The following VTI1A variants were observed in gnomAD, a reference collection of about 807,000 sequenced individuals.
The protein encoded by VTI1A is vesicle transport through interaction with t-SNAREs 1A.
Under a neutral mutation model 34.9 loss-of-function variants are expected in VTI1A, and 22 were observed. The ratio of observed to expected loss-of-function variants is 0.63; its 90% CI spans 0.45 to 0.90. VTI1A has a LOEUF of 0.90. Among genes scored for constraint, VTI1A ranks in the 40% least tolerant of loss-of-function variants. VTI1A has a pLI of 0.00. For missense variants in VTI1A, 268 were observed against 275.6 expected, an observed-to-expected ratio of 0.97 and a Z score of 0.20; for synonymous variants, 87 against 97.3, an observed-to-expected ratio of 0.89 and a Z score of 0.62.
intron 7 of VTI1A, among the ~76,000 whole-genome samples, chr10:112,720,635 G>A (rs1028194047): frequency 7.5e-5 from 8 of 106,686 alleles, no homozygotes; most frequent in African/African-American, 1.8e-4. Context: ...AAATGTATAC[G>A]TTGAAGATGT....
intron 5 of VTI1A, among the ~76,000 whole-genome samples, chr10:112,633,147 T>C (rs543359116): frequency 1.3e-5 from 2 of 152,182 alleles, no homozygotes; most frequent in East Asian, 3.9e-4. Flanking sequence ...TGGTGAGTCC[T>C]GAGAGGAGAG....
intron 7 of VTI1A, among the ~76,000 whole-genome samples, chr10:112,705,902 G>A (rs1849178921): frequency 6.6e-6 from 1 of 151,684 alleles, no homozygotes; most frequent in Non-Finnish European, 1.5e-5. Flanking sequence ...CTGGTCCTCT[G>A]TTGGGCATGT....
At chr10:112,797,888 T>C (rs4554813) in intron 7 of VTI1A, among the ~76,000 whole-genome samples, 112,596 of 152,180 alleles carry the variant, frequency 0.74, 42,946 homozygotes, top group Non-Finnish European at 0.84. Flanking sequence ...GCCCACAGAT[T>C]TCTCTCTGAG....
chr10:112,851,214 AT>A, the VTI1A span, among the ~76,000 whole-genome samples: 1 of 152,216 alleles, frequency 6.6e-6, no homozygotes, highest in Non-Finnish European at 1.5e-5. Flanking sequence ...TGACTGAATC[AT>A]TTCAAGGTGC....
intron 7 of VTI1A, among the ~76,000 whole-genome samples, chr10:112,792,409 C>T (rs1362712388): frequency 2.0e-5 from 3 of 152,158 alleles, no homozygotes; most frequent in Admixed American, 6.5e-5. Flanking sequence ...AGTGCTCTGC[C>T]TGAGGTCACA....
intron 7 of VTI1A, among the ~76,000 whole-genome samples, chr10:112,795,728 G>A (rs913151483): frequency 1.3e-5 from 2 of 151,954 alleles, no homozygotes; most frequent in Non-Finnish European, 2.9e-5. Flanking sequence ...GAGCCACTGC[G>A]CCCAGCCCCC....
At chr10:112,774,827 G>A (rs931344704) in intron 7 of VTI1A, among the ~76,000 whole-genome samples, 3 of 152,114 alleles carry the variant, frequency 2.0e-5, no homozygotes, top group African/African-American at 7.2e-5. Flanking sequence ...GTGTGTGCAC[G>A]GAGAAGCCCC....
At position 112,744,219 on chromosome 10, in the gene VTI1A, A is replaced by G. The variant is rs548647226; in HGVS notation, c.561-71071A>G. ...TCAAGCTCACATCTCCTCTTGTATA[A>G]GCTATTAGCTTAGCCTCAGAATTAG... On this transcript the variant is annotated intron_variant, in intron 7 of 7. Transcript: ENST00000393077. Among the ~76,000 whole-genome samples the G allele has an allele frequency of 2.7e-3, 405 of 152,290 alleles. 1 individual carries two copies. The highest frequency in any genetic ancestry group is 9.0e-3 in the African/African-American group (376 of 41,552).
intron 7 of VTI1A, among the ~76,000 whole-genome samples, chr10:112,789,630 T>G (rs1160570155): frequency 3.3e-5 from 5 of 152,204 alleles, no homozygotes; most frequent in Non-Finnish European, 7.3e-5. Flanking sequence ...TTTTTCCTTT[T>G]TCTTCTTCAG....
Position 112,657,910 on chromosome 10 carries a change from G to A in VTI1A, c.428-10308G>A, listed in dbSNP as rs141318911. Among the ~76,000 whole-genome samples the A allele has an allele frequency of 4.6e-3, 706 of 152,030 alleles. 5 individuals carry two copies. Among genetic ancestry groups the A allele is most frequent in the African/African-American group, 0.016 (677 of 41,432 alleles). On this transcript the variant is annotated intron_variant, in intron 5 of 7. Coordinates refer to ENST00000393077, the MANE Select transcript of VTI1A (RefSeq NM_145206.4). Reference sequence around the variant, plus strand: ...GTCCTCCACATTGTAATGCATGTTTGTTTTCTTTTTAATTCGTTTTTGTTG... The same window carrying A: ...GTCCTCCACATTGTAATGCATGTTTATTTTCTTTTTAATTCGTTTTTGTTG...
intron 5 of VTI1A, among the ~76,000 whole-genome samples, chr10:112,576,552 A>G (rs192009019): frequency 3.7e-4 from 57 of 152,324 alleles, no homozygotes; most frequent in Admixed American, 3.3e-3. Flanking sequence ...CATTTTAAAT[A>G]TATTCTTGGA....
At chr10:112,526,332 C>G (rs1002299899) in intron 3 of VTI1A, among the ~76,000 whole-genome samples, 3 of 152,106 alleles carry the variant, frequency 2.0e-5, no homozygotes, top group Non-Finnish European at 2.9e-5. Flanking sequence ...GCCCACTTGT[C>G]TTTATTTACT....
chr10:112,752,728 A>G (rs1043559390), intron 7 of VTI1A: 28 of 265,096 alleles, frequency 1.1e-4, no homozygotes, highest in Non-Finnish European at 1.4e-4. Context: ...ATCACACTAC[A>G]GTATTAGTGT....
At chr10:112,639,097 A>G (rs531861599) in intron 5 of VTI1A, among the ~76,000 whole-genome samples, 1 of 152,188 alleles carries the variant, frequency 6.6e-6, no homozygotes, top group Admixed American at 6.5e-5. Flanking sequence ...TGCTCTGCTC[A>G]TGAGCAACAG....
At chr10:112,658,439 T>C (rs757347581) in intron 5 of VTI1A, among the ~76,000 whole-genome samples, 2 of 152,140 alleles carry the variant, frequency 1.3e-5, no homozygotes, top group Non-Finnish European at 2.9e-5. Flanking sequence ...TCTTTGATTC[T>C]ATTGTTACAA....
chr10:112,660,249 C>T (rs1296080852), intron 5 of VTI1A, among the ~76,000 whole-genome samples: 6 of 152,158 alleles, frequency 3.9e-5, no homozygotes, highest in South Asian at 4.1e-4. Context: ...TACAGGCGCA[C>T]GCCACCATGC....
intron 7 of VTI1A, among the ~76,000 whole-genome samples, chr10:112,670,794 T>C (rs1418195021): frequency 6.6e-6 from 1 of 152,162 alleles, no homozygotes; most frequent in Non-Finnish European, 1.5e-5. Context: ...TCATCTTCTT[T>C]TGGGATGTGT....
intron 5 of VTI1A, among the ~76,000 whole-genome samples, chr10:112,571,789 T>C (rs1286338299): frequency 6.6e-6 from 1 of 152,202 alleles, no homozygotes; most frequent in Non-Finnish European, 1.5e-5. Flanking sequence ...ATACGTACAC[T>C]GTGGAATATT....
Position 112,815,767 on chromosome 10 carries a change from T to C in VTI1A, c.*384T>C, listed in dbSNP as rs62000977. 1,938 of 276,482 alleles carry C rather than the reference T, an allele frequency of 7.0e-3. 6 individuals carry two copies. Among genetic ancestry groups the C allele is most frequent in the Non-Finnish European group, 0.011 (1,525 of 144,362 alleles). 17.1% of individuals were successfully genotyped at this position (276,482 alleles called of 1,614,324 possible). A position where few individuals can be genotyped will look rare whatever the true frequency, so the allele number is the denominator to read the frequency against. The stretch of plus-strand genomic sequence containing the variant: ...GAGCTTCTGTTTGTCACCCGCCTCT[T>C]GTTGCTGAAAAGCTCTTCTGTGATG... On this transcript the variant is annotated 3_prime_UTR_variant, in exon 8 of 8. Transcript: ENST00000393077.
Sources: allele counts gnomAD v4.1 joint callset (sites outside exome capture counted in the v4.1 genomes callset), GRCh38; gene constraint gnomAD v4.1.1; transcripts MANE v1.5; gene names NCBI Gene and HGNC (gene_info 2026-07-23, HGNC 2026-07-21).